The following SPATA17 variants were observed in gnomAD, a reference collection of about 807,000 sequenced individuals.
The protein encoded by SPATA17 is spermatogenesis associated 17.
SPATA17 carries 53 observed loss-of-function variants against 62.2 expected under a neutral mutation model. The ratio of observed to expected loss-of-function variants is 0.85; its 90% CI spans 0.68 to 1.07. The LOEUF (loss-of-function observed/expected upper bound fraction) is 1.07. SPATA17 is among the 50% of genes least tolerant of loss of function. The probability of loss-of-function intolerance (pLI) is 0.00; values close to 1 mark genes in which losing one functional copy is unlikely to be tolerated. For missense variants in SPATA17, 466 were observed against 425.5 expected, an observed-to-expected ratio of 1.10 and a Z score of -0.84; for synonymous variants, 146 against 146.8, an observed-to-expected ratio of 0.99 and a Z score of 0.04.
intron 5 of SPATA17, among the ~76,000 whole-genome samples, chr1:217,740,692 C>T (rs1484668679): frequency 6.6e-6 from 1 of 152,174 alleles, no homozygotes; most frequent in Non-Finnish European, 1.5e-5. Flanking sequence ...AGCTTGCCAA[C>T]ACAATCTAAA....
intron 6 of SPATA17, among the ~76,000 whole-genome samples, chr1:217,754,391 T>C (rs1370681356): frequency 6.6e-6 from 1 of 152,148 alleles, no homozygotes; most frequent in Non-Finnish European, 1.5e-5. Flanking sequence ...AATCCAAATC[T>C]TAGAAACACA....
intron 5 of SPATA17, among the ~76,000 whole-genome samples, chr1:217,710,191 A>G (rs1256846058): frequency 6.6e-6 from 1 of 152,210 alleles, no homozygotes; most frequent in African/African-American, 2.4e-5. Flanking sequence ...GAGTGGACCT[A>G]TTACAAAGAT....
chr1:217,841,260 T>C (rs1675389092), intron 9 of SPATA17, among the ~76,000 whole-genome samples: 1 of 152,012 alleles, frequency 6.6e-6, no homozygotes, highest in Admixed American at 6.6e-5. Flanking sequence ...TAAAGAAATT[T>C]TGGGACATCA....
intron 5 of SPATA17, among the ~76,000 whole-genome samples, chr1:217,706,873 T>TTTC (rs1491214169): frequency 2.5e-4 from 20 of 80,186 alleles, no homozygotes; most frequent in African/African-American, 1.3e-3. Flanking sequence ...TCTTTCTTTC[T>TTTC]TTTTTTTTTT....
At chr1:217,781,589 G>T (rs1673728367) in intron 7 of SPATA17, among the ~76,000 whole-genome samples, 1 of 152,066 alleles carries the variant, frequency 6.6e-6, no homozygotes, top group Non-Finnish European at 1.5e-5. Flanking sequence ...GTTGCTATTG[G>T]TATCAGAGTA....
At chr1:217,859,998 T>C (rs765819554) in intron 9 of SPATA17, among the ~76,000 whole-genome samples, 9 of 152,160 alleles carry the variant, frequency 5.9e-5, no homozygotes, top group Non-Finnish European at 1.3e-4. Context: ...CTTTGATTAT[T>C]GACTTTAGAT....
chr1:217,735,044 C>A (rs1228116954), intron 5 of SPATA17, among the ~76,000 whole-genome samples: 4 of 152,102 alleles, frequency 2.6e-5, no homozygotes, highest in Non-Finnish European at 5.9e-5. Context: ...CTAATTAAAC[C>A]ATCAGGAGTG....
At chr1:217,853,996 C>G (rs1675721122) in intron 9 of SPATA17, among the ~76,000 whole-genome samples, 1 of 152,148 alleles carries the variant, frequency 6.6e-6, no homozygotes, top group African/African-American at 2.4e-5. Flanking sequence ...AGAATCATAG[C>G]AGATTCAGAG....
intron 9 of SPATA17, among the ~76,000 whole-genome samples, chr1:217,840,715 T>A (rs959772302): frequency 4.0e-5 from 6 of 151,732 alleles, no homozygotes; most frequent in Non-Finnish European, 7.4e-5. Context: ...AAAAATTAGC[T>A]GAGTGTGGTG....
chr1:217,678,115 T>C lies in SPATA17; in HGVS notation c.292-5143T>C, dbSNP rs1670995010. On this transcript the variant is annotated intron_variant, in intron 4 of 10. Coordinates refer to ENST00000366933, the MANE Select transcript of SPATA17 (RefSeq NM_138796.4). Reference sequence around the variant, plus strand: ...TAATTATGAATAACTGAGTTCTACTTCTGTGCTCTCATATACATTTAGAGC... The same window carrying C: ...TAATTATGAATAACTGAGTTCTACTCCTGTGCTCTCATATACATTTAGAGC... 3.9e-5 allele frequency among the ~76,000 whole-genome samples: 6 copies of C among 152,184 alleles called. No individual in the cohort carries two copies. The South Asian group carries it at 1.2e-3, about 32-fold the overall frequency.
chr1:217,760,461 A>G (rs1673146943), intron 6 of SPATA17, among the ~76,000 whole-genome samples: 1 of 152,194 alleles, frequency 6.6e-6, no homozygotes, highest in Admixed American at 6.5e-5. Context: ...AAGAAGCCAC[A>G]AGTTTATAGA....
chr1:217,685,279 T>C (rs1331404798), intron 5 of SPATA17, among the ~76,000 whole-genome samples: 3 of 152,186 alleles, frequency 2.0e-5, no homozygotes, highest in Non-Finnish European at 2.9e-5. Context: ...GCTTCACTCT[T>C]GTCTGAGCCC....
chr1:217,808,036 C>G (rs796809011), intron 9 of SPATA17, among the ~76,000 whole-genome samples: 1 of 152,102 alleles, frequency 6.6e-6, no homozygotes, highest in South Asian at 2.1e-4. Flanking sequence ...GGCACAGGAG[C>G]CTTGCATAAA....
Position 217,870,131 on chromosome 1 carries a change from A to T in SPATA17, c.*3112A>T, listed in dbSNP as rs576124084. ...GGATTGTGAAGCCATTTCCTCCCAC[A>T]TGTTCGTAAAAATGGTAGCCATGGC... On this transcript the variant is annotated 3_prime_UTR_variant, in exon 11 of 11. Transcript: ENST00000366933. 6.6e-6 allele frequency: 1 copy of T among 152,254 alleles called. No homozygotes were observed. The highest frequency in any genetic ancestry group is 6.5e-5 in the Admixed American group (1 of 15,278). The allele number at this position is 152,254 out of a possible 1,614,324, so 9.4% of individuals were successfully genotyped here.
At chr1:217,752,418 T>C (rs1260821818) in intron 6 of SPATA17, among the ~76,000 whole-genome samples, 4 of 152,208 alleles carry the variant, frequency 2.6e-5, no homozygotes, top group Non-Finnish European at 5.9e-5. Flanking sequence ...TCTAAAAATA[T>C]AGCATAGTGC....
intron 3 of SPATA17, among the ~76,000 whole-genome samples, chr1:217,657,884 G>T (rs1670477621): frequency 6.6e-6 from 1 of 152,164 alleles, no homozygotes; most frequent in Admixed American, 6.5e-5. Context: ...GTTCCACATG[G>T]TTGGAGAGGC....
At chr1:217,659,029 G>T (rs1312602185) in intron 3 of SPATA17, among the ~76,000 whole-genome samples, 1 of 152,124 alleles carries the variant, frequency 6.6e-6, no homozygotes, top group East Asian at 1.9e-4. Context: ...ATTACTGCCT[G>T]GGGGGAAGAG....
At chr1:217,663,917 T>C (rs1670626202) in intron 3 of SPATA17, among the ~76,000 whole-genome samples, 1 of 152,152 alleles carries the variant, frequency 6.6e-6, no homozygotes, top group Admixed American at 6.6e-5. Flanking sequence ...AAAAACACCA[T>C]GCAGTTATTG....
At chr1:217,818,792 G>A (rs1291928944) in intron 9 of SPATA17, among the ~76,000 whole-genome samples, 1 of 150,758 alleles carries the variant, frequency 6.6e-6, no homozygotes, top group East Asian at 1.9e-4. Flanking sequence ...TCATCTTAAA[G>A]ACTCTAATTA....
Sources: gnomAD v4.1 joint callset for allele counts (sites outside exome capture counted in the v4.1 genomes callset) on GRCh38, gnomAD v4.1.1 for gene constraint, MANE v1.5 for transcripts, NCBI Gene and HGNC (gene_info 2026-07-23, HGNC 2026-07-21) for gene names.